ANKS1B: variants seen among roughly 807,000 people sequenced by gnomAD.
ANKS1B encodes the protein ankyrin repeat and sterile alpha motif domain-containing protein 1B.
A neutral mutation model predicts 148.3 loss-of-function variants in ANKS1B; 36 were observed. That is an observed-to-expected ratio of 0.24 (90% CI 0.19 to 0.32). The LOEUF is 0.32. Ranked by LOEUF, ANKS1B falls within the 10% of genes least tolerant of loss-of-function variation. The pLI is 1.00. For missense variants in ANKS1B, 1,157 were observed against 1,542.6 expected (o/e 0.75, Z 4.19); for synonymous variants, 542 against 560.8 (o/e 0.97, Z 0.47).
At chr12:98,840,706 T>A (rs546523741) in intron 17 of ANKS1B, among the ~76,000 whole-genome samples, 1 of 152,312 alleles carries the variant, frequency 6.6e-6, no homozygotes, top group East Asian at 1.9e-4. Context: ...TACCTCTTGA[T>A]GAAGGTACTA....
intron 9 of ANKS1B, among the ~76,000 whole-genome samples, chr12:99,653,939 C>T (rs2098437857): frequency 1.3e-5 from 2 of 152,144 alleles, no homozygotes; most frequent in Admixed American, 6.5e-5. Context: ...GCTGAGATTA[C>T]AGGTGTGAGA....
At chr12:98,808,503 G>A (rs987648140) in intron 19 of ANKS1B, among the ~76,000 whole-genome samples, 4 of 152,130 alleles carry the variant, frequency 2.6e-5, no homozygotes, top group Admixed American at 2.6e-4. Context: ...TGAAGGAGGT[G>A]GCAGGAAGGA....
At chr12:99,395,219 T>G (rs2094205827) in intron 12 of ANKS1B, among the ~76,000 whole-genome samples, 2 of 152,120 alleles carry the variant, frequency 1.3e-5, no homozygotes, top group South Asian at 4.1e-4. Context: ...CCATCCATGA[T>G]CGACATTATA....
intron 9 of ANKS1B, among the ~76,000 whole-genome samples, chr12:99,622,844 T>A (rs2098070578): frequency 6.6e-6 from 1 of 151,988 alleles, no homozygotes; most frequent in African/African-American, 2.4e-5. Flanking sequence ...CCAATTCTAC[T>A]GAAACTATTC....
At chr12:99,487,277 A>G (rs1298992784) in intron 10 of ANKS1B, among the ~76,000 whole-genome samples, 1 of 152,182 alleles carries the variant, frequency 6.6e-6, no homozygotes, top group Non-Finnish European at 1.5e-5. Flanking sequence ...TATCAAATTT[A>G]CTATGTATTT....
At chr12:99,751,718 T>A (rs2061125552) in intron 8 of ANKS1B, among the ~76,000 whole-genome samples, 1 of 151,992 alleles carries the variant, frequency 6.6e-6, no homozygotes, top group South Asian at 2.1e-4. Flanking sequence ...GGGTTCACAG[T>A]CTAATATATT....
rs537110842 is a variant in ANKS1B at position 99,650,470 on chromosome 12, A to G, written c.1272+4597T>C. On this transcript the variant is annotated intron_variant, in intron 9 of 26. Transcript: ENST00000683438. ...TGTTGAGAAACAAATTCTGAGTTTA[A>G]TCATACTTTCCAGAAAGGGCTTAAT... is the stretch of plus-strand genomic sequence containing the variant. 2.5e-4 allele frequency among the ~76,000 whole-genome samples: 38 copies of G among 152,326 alleles called. No individual in the cohort carries two copies. In the South Asian group the frequency reaches 5.6e-3, roughly 22 times the overall value.
chr12:98,949,532 C>T (rs1295721258), intron 17 of ANKS1B, among the ~76,000 whole-genome samples: 3 of 152,026 alleles, frequency 2.0e-5, no homozygotes, highest in Non-Finnish European at 4.4e-5. Flanking sequence ...CTCAATCTGA[C>T]TGAGGAAGGG....
intron 9 of ANKS1B, among the ~76,000 whole-genome samples, chr12:99,564,609 G>A (rs975209051): frequency 6.6e-6 from 1 of 151,980 alleles, no homozygotes; most frequent in Non-Finnish European, 1.5e-5. Context: ...CTTATAACCT[G>A]AATGAATACA....
chr12:98,878,649 G>C (rs2099698291), intron 17 of ANKS1B, among the ~76,000 whole-genome samples: 1 of 152,172 alleles, frequency 6.6e-6, no homozygotes, highest in African/African-American at 2.4e-5. Flanking sequence ...AGGGAAAGCT[G>C]AAGGTACACA....
chr12:99,721,842 T>C (rs1267324578), intron 8 of ANKS1B, among the ~76,000 whole-genome samples: 1 of 152,166 alleles, frequency 6.6e-6, no homozygotes, highest in Non-Finnish European at 1.5e-5. Flanking sequence ...TTTCAAGTTG[T>C]GAATGCAAAG....
chr12:99,218,065 T>C (rs554505843), intron 14 of ANKS1B, among the ~76,000 whole-genome samples: 3 of 152,118 alleles, frequency 2.0e-5, no homozygotes, highest in African/African-American at 7.2e-5. Context: ...GGTACACAGA[T>C]TCCAAGGATG....
At chr12:99,364,408 C>T (rs1420844965) in intron 12 of ANKS1B, among the ~76,000 whole-genome samples, 1 of 152,170 alleles carries the variant, frequency 6.6e-6, no homozygotes, top group African/African-American at 2.4e-5. Flanking sequence ...TGTCCCATGC[C>T]TAACTACTTC....
chr12:99,113,176 G>A (rs904844378), intron 15 of ANKS1B, among the ~76,000 whole-genome samples: 4 of 151,848 alleles, frequency 2.6e-5, no homozygotes, highest in South Asian at 2.1e-4. Flanking sequence ...CTGCATCTTC[G>A]TTTTTTTTCT....
chr12:98,863,556 T>C (rs950845268), intron 17 of ANKS1B, among the ~76,000 whole-genome samples: 7 of 152,230 alleles, frequency 4.6e-5, no homozygotes, highest in Non-Finnish European at 8.8e-5. Flanking sequence ...TATCTCCTTT[T>C]ATTGAATAAA....
At chr12:99,307,062 G>C (rs890577843) in intron 12 of ANKS1B, among the ~76,000 whole-genome samples, 5 of 151,970 alleles carry the variant, frequency 3.3e-5, no homozygotes, top group Admixed American at 2.6e-4. Flanking sequence ...TGCACTTAAG[G>C]TCAATTAAAA....
At chr12:99,442,480 T>G (rs946515212) in intron 11 of ANKS1B, among the ~76,000 whole-genome samples, 1 of 151,184 alleles carries the variant, frequency 6.6e-6, no homozygotes, top group African/African-American at 2.4e-5. Flanking sequence ...TTTTAACCTC[T>G]GAGCAGGACT....
intron 8 of ANKS1B, among the ~76,000 whole-genome samples, chr12:99,702,313 T>C (rs935608176): frequency 2.6e-5 from 4 of 152,212 alleles, no homozygotes; most frequent in Non-Finnish European, 2.9e-5. Flanking sequence ...CCTTTTCATA[T>C]ACCTGTTGGC....
At position 99,984,874 on chromosome 12, in the gene ANKS1B, G is replaced by A. The variant is rs1227023378; in HGVS notation, c.-637C>T. ...CGGCGGCGGCGGCGAGGCCTGGCGCGCGGGGGGCGTGTGCGCGCGGGCAGG... is the reference window on the plus strand; with the variant it reads ...CGGCGGCGGCGGCGAGGCCTGGCGCACGGGGGGCGTGTGCGCGCGGGCAGG... On this transcript the variant is annotated 5_prime_UTR_variant, in exon 1 of 27. Coordinates refer to ENST00000683438, the MANE Select transcript of ANKS1B (RefSeq NM_001352186.2). Among the ~76,000 whole-genome samples, 2 of 147,792 alleles carry A rather than the reference G, an allele frequency of 1.4e-5. No individual in the cohort carries two copies. The highest frequency in any genetic ancestry group is 2.4e-5 in the African/African-American group (1 of 41,008).
Sources: gnomAD v4.1 joint callset for allele counts (sites outside exome capture counted in the v4.1 genomes callset) on GRCh38, gnomAD v4.1.1 for gene constraint, MANE v1.5 for transcripts, NCBI Gene and HGNC (gene_info 2026-07-23, HGNC 2026-07-21) for gene names.